Variants in BRIP1 observed in about 807,000 individuals in gnomAD.
The protein encoded by BRIP1 is BRCA1 interacting DNA helicase 1.
A neutral mutation model predicts 119.7 loss-of-function variants in BRIP1; 88 were observed. The observed-to-expected ratio is 0.74, with a 90% CI of 0.62 to 0.88. The LOEUF (loss-of-function observed/expected upper bound fraction) is 0.88. Among genes scored for constraint, BRIP1 ranks in the 40% least tolerant of loss-of-function variants. The pLI is 0.00. For synonymous variants in BRIP1, 443 were observed against 496.5 expected, an observed-to-expected ratio of 0.89 and a Z score of 1.43; for missense variants, 1,259 against 1,455.4, an observed-to-expected ratio of 0.87 and a Z score of 2.20.
intron 6 of BRIP1, among the ~76,000 whole-genome samples, chr17:61,811,530 T>C (rs2078162202): frequency 1.3e-5 from 2 of 151,824 alleles, no homozygotes; most frequent in Admixed American, 1.3e-4. Flanking sequence ...GCCAAGAAGA[T>C]GGTTTTCAAT....
intron 17 of BRIP1, among the ~76,000 whole-genome samples, chr17:61,702,150 G>A (rs2061624042): frequency 6.6e-6 from 1 of 152,148 alleles, no homozygotes; most frequent in Non-Finnish European, 1.5e-5. Flanking sequence ...AGAAATTTCA[G>A]AGGTCTTTGT....
At chr17:61,855,223 T>C (rs1163559909) in intron 4 of BRIP1, among the ~76,000 whole-genome samples, 1 of 152,182 alleles carries the variant, frequency 6.6e-6, no homozygotes, top group African/African-American at 2.4e-5. Context: ...TTGGTGTGTA[T>C]GTTCACTGTC....
chr17:61,685,153 T>C (rs762051162), intron 19 of BRIP1: 9 of 152,410 alleles, frequency 5.9e-5, no homozygotes, highest in Non-Finnish European at 1.2e-4. Context: ...GCTGTTCTAG[T>C]GCAATACACA....
rs1435112089 is a variant in BRIP1, at chr17:61,832,173, A to G, written c.627+14928T>C. Among the ~76,000 whole-genome samples the G allele has an allele frequency of 6.6e-6, 1 of 152,212 alleles. No individual in the cohort carries two copies. The highest frequency in any genetic ancestry group is 2.4e-5 in the African/African-American group (1 of 41,466). On this transcript the variant is annotated intron_variant, in intron 6 of 19. Transcript: ENST00000259008. The surrounding 1 kb of genome is among the most constrained non-coding windows in gnomAD (Gnocchi z 5.5). Reference sequence around the variant, plus strand: ...GGAAAATATAAGGTGAGCCTGGAACACTATCTTTTGCCAAAAAATAAGGAA... The same window carrying G: ...GGAAAATATAAGGTGAGCCTGGAACGCTATCTTTTGCCAAAAAATAAGGAA...
rs2061447611 is a variant in BRIP1, at chr17:61,691,605, G to A, written c.2575+1825C>T. On this transcript the variant is annotated intron_variant, in intron 18 of 19. Transcript: ENST00000259008. The surrounding 1 kb of genome is among the most constrained non-coding windows in gnomAD (Gnocchi z 5.0). Reference sequence around the variant, plus strand: ...AGAATAGTTGAGATTACAGGCACCCGCCACCGCACCCGGCTAATTTTTGTA... The same window carrying A: ...AGAATAGTTGAGATTACAGGCACCCACCACCGCACCCGGCTAATTTTTGTA... 6.6e-6 allele frequency among the ~76,000 whole-genome samples: 1 copy of A among 152,074 alleles called. No homozygotes were observed. The highest frequency in any genetic ancestry group is 1.5e-5 in the Non-Finnish European group (1 of 68,018).
Position 61,793,727 on chromosome 17 carries a change from C to T in BRIP1, c.1343G>A (p.Trp448Ter), listed in dbSNP as rs775171520. The T allele has an allele frequency of 3.1e-6, 5 of 1,609,014 alleles. No individual in the cohort carries two copies. In the East Asian group the frequency reaches 9.0e-5, roughly 29 times the overall value. Residue 448 changes from tryptophan to a stop codon, truncating the protein, a stop_gained and splice_region_variant, in exon 10 of 20, where the codon TGG becomes TAG. Coordinates refer to ENST00000259008, the MANE Select transcript of BRIP1 (RefSeq NM_032043.3). LOFTEE classifies it high-confidence loss of function. This position sits in a 1 kb window ranked among gnomAD's most constrained non-coding sequence, Gnocchi z 5.2. ...AAGATATTCAGCGTTTGCTTCTAAC[C>T]AACTGAAATAAAATAAAACAATTGT... The part of the protein sequence containing the change: ...LRAVCCSLIN[W>*]LEANAEYLVE...
At chr17:61,850,936 G>A (rs2078811560) in intron 4 of BRIP1, among the ~76,000 whole-genome samples, 1 of 150,918 alleles carries the variant, frequency 6.6e-6, no homozygotes, top group Admixed American at 6.6e-5. Context: ...TCTTCTTAAA[G>A]AAATGTTGCA....
intron 16 of BRIP1, among the ~76,000 whole-genome samples, chr17:61,728,736 T>C (rs1019778719): frequency 6.6e-6 from 1 of 152,096 alleles, no homozygotes; most frequent in Non-Finnish European, 1.5e-5. Flanking sequence ...TAGCAGTTAT[T>C]GGATGATAGC....
chr17:61,759,828 T>C lies in BRIP1; in HGVS notation c.2098-15237A>G, dbSNP rs1469712409. On this transcript the variant is annotated intron_variant, in intron 14 of 19. Transcript: ENST00000259008. This position sits in a 1 kb window ranked among gnomAD's most constrained non-coding sequence, Gnocchi z 4.9. ...AGAGACATGAAGTGAGTACATAGTA[T>C]TGGAAAAATGGTGACAATAGACTTG... Among the ~76,000 whole-genome samples, 1 of 151,552 alleles carries C rather than the reference T, an allele frequency of 6.6e-6. No homozygotes were observed. The highest frequency in any genetic ancestry group is 1.5e-5 in the Non-Finnish European group (1 of 67,812).
intron 13 of BRIP1, among the ~76,000 whole-genome samples, chr17:61,777,041 C>T (rs184637283): frequency 1.3e-5 from 2 of 152,274 alleles, no homozygotes; most frequent in East Asian, 1.9e-4. Flanking sequence ...AAAAATCACA[C>T]CCACCACATC....
rs2077846810 is a variant in BRIP1 at position 61,793,268 on chromosome 17, T to C, written c.1473+329A>G. On this transcript the variant is annotated intron_variant, in intron 10 of 19. Coordinates refer to ENST00000259008, the MANE Select transcript of BRIP1 (RefSeq NM_032043.3). This position sits in a 1 kb window ranked among gnomAD's most constrained non-coding sequence, Gnocchi z 5.2. ...AATTAAGATGAACAAAATAGGAATTTCTCCTCTTTTTATTTTCTAAAATTT... is the reference window on the plus strand; with the variant it reads ...AATTAAGATGAACAAAATAGGAATTCCTCCTCTTTTTATTTTCTAAAATTT... Among the ~76,000 whole-genome samples, 1 of 152,026 alleles carries C rather than the reference T, an allele frequency of 6.6e-6. No individual in the cohort carries two copies. Among genetic ancestry groups the C allele is most frequent in the African/African-American group, 2.4e-5 (1 of 41,414 alleles).
chr17:61,800,674 T>C (rs2077976112), intron 8 of BRIP1, among the ~76,000 whole-genome samples: 1 of 152,162 alleles, frequency 6.6e-6, no homozygotes, highest in Non-Finnish European at 1.5e-5. Flanking sequence ...AGTTAAGAGA[T>C]AACCAAATAA....
At chr17:61,719,933 A>G (rs1477403390) in intron 16 of BRIP1, among the ~76,000 whole-genome samples, 1 of 151,976 alleles carries the variant, frequency 6.6e-6, no homozygotes, top group Non-Finnish European at 1.5e-5. Flanking sequence ...GGCTCAAGTG[A>G]TTCTCCCACC....
rs2078096270 is a variant in BRIP1 at position 61,807,780 on chromosome 17, A to C, written c.918+687T>G. Among the ~76,000 whole-genome samples the C allele has an allele frequency of 6.6e-6, 1 of 152,142 alleles. No individual in the cohort carries two copies. Among genetic ancestry groups the C allele is most frequent in the Non-Finnish European group, 1.5e-5 (1 of 67,996 alleles). ...ACTTGCAACTTCAATTTTAGAGTAA[A>C]CTAATTATCACACCAGAACATAGGC... On this transcript the variant is annotated intron_variant, in intron 7 of 19. Coordinates refer to ENST00000259008, the MANE Select transcript of BRIP1 (RefSeq NM_032043.3). This position sits in a 1 kb window ranked among gnomAD's most constrained non-coding sequence, Gnocchi z 4.5.
Position 61,862,075 on chromosome 17 carries a change from G to A in BRIP1, c.-30-506C>T, listed in dbSNP as rs372805424. 1 of 161,228 alleles carries A rather than the reference G, an allele frequency of 6.2e-6. No individual in the cohort carries two copies. The highest frequency in any genetic ancestry group is 1.8e-4 in the East Asian group (1 of 5,654). The allele number at this position is 161,228 out of a possible 1,614,324, so 10.0% of individuals were successfully genotyped here. ...GCAGTCCTCCAGTTAGAAGAAAAAA[G>A]CTGTTGACCAGAAGTCAGGAAGCAT... On this transcript the variant is annotated intron_variant, in intron 1 of 19. Coordinates refer to ENST00000259008, the MANE Select transcript of BRIP1 (RefSeq NM_032043.3). The surrounding 1 kb of genome is among the most constrained non-coding windows in gnomAD (Gnocchi z 5.3).
At chr17:61,800,050 G>A (rs1381332441) in intron 8 of BRIP1, among the ~76,000 whole-genome samples, 1 of 152,126 alleles carries the variant, frequency 6.6e-6, no homozygotes, top group Non-Finnish European at 1.5e-5. Flanking sequence ...AATTTGGAGG[G>A]ACTAATATGT....
Position 61,746,631 on chromosome 17 carries a change from G to T in BRIP1, c.2098-2040C>A, listed in dbSNP as rs2077061776. Among the ~76,000 whole-genome samples the T allele has an allele frequency of 6.6e-6, 1 of 151,972 alleles. No homozygotes were observed. Among genetic ancestry groups the T allele is most frequent in the Admixed American group, 6.6e-5 (1 of 15,250 alleles). ...ATAATGATAAATGGGTCAATTCACT[G>T]GGAATATTTAACAACTATAAATATA... On this transcript the variant is annotated intron_variant, in intron 14 of 19. Coordinates refer to ENST00000259008, the MANE Select transcript of BRIP1 (RefSeq NM_032043.3). This position sits in a 1 kb window ranked among gnomAD's most constrained non-coding sequence, Gnocchi z 4.9.
At chr17:61,772,643 A>AC (rs2077473357) in intron 14 of BRIP1, among the ~76,000 whole-genome samples, 1 of 151,780 alleles carries the variant, frequency 6.6e-6, no homozygotes, top group Non-Finnish European at 1.5e-5. Context: ...ACCTGGAGAA[A>AC]CCCCATCTCT....
intron 6 of BRIP1, among the ~76,000 whole-genome samples, chr17:61,840,705 T>C (rs921000210): frequency 6.6e-6 from 1 of 152,130 alleles, no homozygotes; most frequent in African/African-American, 2.4e-5. Context: ...AAAATACCAA[T>C]AACATTCTTT....
Sources: gnomAD v4.1 joint callset for allele counts (sites outside exome capture counted in the v4.1 genomes callset) on GRCh38, gnomAD v4.1.1 for gene constraint, Gnocchi (gnomAD v3.1) non-coding constraint, MANE v1.5 for transcripts, NCBI Gene and HGNC (gene_info 2026-07-23, HGNC 2026-07-21) for gene names.